Variants in EXTL3 observed in about 807,000 individuals in gnomAD.
The protein encoded by EXTL3 is exostosin like glycosyltransferase 3, also known as exostosin-like 3.
EXTL3 carries 27 observed loss-of-function variants against 69.3 expected under a neutral mutation model. The observed-to-expected ratio is 0.39, with a 90% confidence interval of 0.29 to 0.54. The LOEUF is 0.54. Ranked by LOEUF, EXTL3 falls within the 20% of genes least tolerant of loss-of-function variation. EXTL3 has a pLI of 0.69. For missense variants in EXTL3, 1,003 were observed against 1,231.8 expected, an observed-to-expected ratio of 0.81 and a Z score of 2.78; for synonymous variants, 511 against 499.4, an observed-to-expected ratio of 1.02 and a Z score of -0.31.
chr8:28,612,737 T>TA (rs1806287915), intron 2 of EXTL3, among the ~76,000 whole-genome samples: 1 of 152,086 alleles, frequency 6.6e-6, no homozygotes, highest in African/African-American at 2.4e-5. Flanking sequence ...TTTTTTTTTT[T>TA]AGACAGTGTC....
intron 5 of EXTL3, chr8:28,742,269 C>T (rs1801796126): frequency 6.6e-6 from 1 of 152,076 alleles, no homozygotes; most frequent in Admixed American, 6.6e-5. Context: ...TATGTAATTA[C>T]ATCTTTAATA....
At chr8:28,632,734 A>G (rs1325091808) in intron 1 of EXTL3, among the ~76,000 whole-genome samples, 8 of 151,620 alleles carry the variant, frequency 5.3e-5, no homozygotes, top group African/African-American at 1.5e-4. Context: ...TGTATTTTTT[A>G]GTAGAGACGG....
rs193255384 is a variant in EXTL3 at position 28,662,730 on chromosome 8, A to G, written c.-53+39920A>G. Among the ~76,000 whole-genome samples, 1,028 of 124,814 alleles carry G rather than the reference A, an allele frequency of 8.2e-3. 17 individuals are homozygous for G. Among genetic ancestry groups the G allele is most frequent in the African/African-American group, 0.033 (980 of 29,308 alleles). The allele number at this position is 124,814 out of a possible 152,430, so 81.9% of individuals were successfully genotyped here. A position where few individuals can be genotyped will look rare whatever the true frequency, so the allele number is the denominator to read the frequency against. On this transcript the variant is annotated intron_variant, in intron 1 of 6. Coordinates refer to the EXTL3 transcript ENST00000523149. Reference sequence around the variant, plus strand: ...GGGGTTCGAGACCAGCCTGGGCAACATGGTGAAATCCTGTCTCTAAAAAAT... The same window carrying G: ...GGGGTTCGAGACCAGCCTGGGCAACGTGGTGAAATCCTGTCTCTAAAAAAT...
rs575328703 is a variant in EXTL3 at position 28,667,249 on chromosome 8, G to A, written c.-53+44439G>A. ...CTGGGGATTTGTAGACAATGGACAA[G>A]GTGCAGGGGCCAGTGGATGGAAAAG... On this transcript the variant is annotated intron_variant, in intron 1 of 6. Transcript: ENST00000523149. Among the ~76,000 whole-genome samples the A allele has an allele frequency of 5.3e-5, 8 of 152,326 alleles. No homozygotes were observed. The East Asian group carries it at 1.3e-3, about 26-fold the overall frequency.
chr8:28,717,837 T>G lies in EXTL3; in HGVS notation c.1778T>G (p.Phe593Cys). ...PYASPRYLRN[F>C]TLTVTDFYRS... ...GCCTCACCCAGATACCTCCGCAATT[T>G]CACTCTGACTGTCACTGACTTTTAC... Residue 593 changes from phenylalanine (F) to cysteine (C), a missense_variant, in exon 3 of 7, where the codon TTC becomes TGC. Phe to Cys is a radical substitution (Grantham distance 205). This residue lies in a region of EXTL3 where 742 missense variants were observed against 815.4 expected (regional missense o/e 0.91). Transcript: ENST00000220562. The surrounding 1 kb of genome is among the most constrained non-coding windows in gnomAD (Gnocchi z 8.3). 1 of 1,611,916 alleles carries G rather than the reference T, an allele frequency of 6.2e-7. No homozygotes were observed. Among genetic ancestry groups the G allele is most frequent in the Non-Finnish European group, 8.5e-7 (1 of 1,178,148 alleles).
At chr8:28,697,140 TA>T (rs1438239677), upstream of EXTL3, 1 of 152,268 alleles carries the variant, frequency 6.6e-6, no homozygotes, top group Admixed American at 6.5e-5. Context: ...CCATGTTTTA[TA>T]CATTTTGTGT....
intron 5 of EXTL3, chr8:28,740,107 T>C (rs958106506): frequency 1.3e-5 from 2 of 152,222 alleles, no homozygotes; most frequent in African/African-American, 4.8e-5. Context: ...TCCTATGCAC[T>C]GACAACTTCT....
At chr8:28,740,404 C>G (rs1801750880) in intron 5 of EXTL3, 1 of 152,304 alleles carries the variant, frequency 6.6e-6, no homozygotes, top group African/African-American at 2.4e-5. Flanking sequence ...CTGCCTCAGC[C>G]TCCCGAGTAG....
chr8:28,640,272 C>T (rs1365688134), intron 1 of EXTL3, among the ~76,000 whole-genome samples: 2 of 152,146 alleles, frequency 1.3e-5, no homozygotes, highest in Non-Finnish European at 2.9e-5. Context: ...TTCCAATTCT[C>T]TTCTAGATTT....
At chr8:28,682,085 C>CT (rs1321410707) in intron 1 of EXTL3, among the ~76,000 whole-genome samples, 20 of 152,052 alleles carry the variant, frequency 1.3e-4, no homozygotes, top group Admixed American at 3.9e-4. Flanking sequence ...ATAAGGTTTG[C>CT]TTTTTTTTAC....
chr8:28,632,064 G>T (rs1353953483), intron 1 of EXTL3, among the ~76,000 whole-genome samples: 2 of 150,966 alleles, frequency 1.3e-5, no homozygotes, highest in African/African-American at 4.9e-5. Context: ...CTGCACTCCG[G>T]CCTGGCGACA....
chr8:28,696,242 T>C (rs569567242), intron 1 of EXTL3: 1 of 152,128 alleles, frequency 6.6e-6, no homozygotes, highest in Non-Finnish European at 1.5e-5. Flanking sequence ...GACATACATA[T>C]AGAAAAGAAG....
intron 1 of EXTL3, among the ~76,000 whole-genome samples, chr8:28,666,971 A>G (rs996136751): frequency 1.3e-5 from 2 of 152,146 alleles, no homozygotes; most frequent in Non-Finnish European, 2.9e-5. Context: ...CCCCACAGCA[A>G]TGCAACCTGG....
intron 1 of EXTL3, among the ~76,000 whole-genome samples, chr8:28,671,968 C>T (rs1432803236): frequency 6.6e-6 from 1 of 152,150 alleles, no homozygotes; most frequent in East Asian, 1.9e-4. Flanking sequence ...AATGAGAACC[C>T]TGTCTCTACA....
upstream of EXTL3, chr8:28,701,306 G>C (rs1800780906): frequency 6.6e-6 from 1 of 152,038 alleles, no homozygotes; most frequent in Admixed American, 6.5e-5. Flanking sequence ...AAGGCGGCCG[G>C]CGCGCCCCCC....
rs747551309 is a variant in EXTL3 at position 28,716,278 on chromosome 8, G to A, written c.219G>A (p.Leu73=). ...TTGGTCCCCGGGTGGGGAACGAGCT[G>A]TGCGAGGTGAAGCACGTGCTGGATC... is the stretch of plus-strand genomic sequence containing the variant. ...RIFGPRVGNE[L]CEVKHVLDLC... is the part of the protein sequence containing the mutation. Residue 73 remains leucine (L), a synonymous_variant, in exon 3 of 7, where the codon CTG becomes CTA. Transcript: ENST00000220562. This position sits in a 1 kb window ranked among gnomAD's most constrained non-coding sequence, Gnocchi z 7.1. The A allele has an allele frequency of 2.5e-6, 4 of 1,614,238 alleles. No individual in the cohort carries two copies. The highest frequency in any genetic ancestry group is 3.4e-6 in the Non-Finnish European group (4 of 1,180,038).
chr8:28,671,309 GT>G (rs749395423), intron 1 of EXTL3, among the ~76,000 whole-genome samples: 6,120 of 89,702 alleles, frequency 0.068, 427 homozygotes, highest in African/African-American at 0.23. Flanking sequence ...TTTGTTTTTT[GT>G]TTTTTTTTTT....
rs377517594 is a variant in EXTL3 at position 28,754,490 on chromosome 8, G to A, written c.*3624G>A. The A allele has an allele frequency of 1.8e-4, 27 of 152,488 alleles. No individual in the cohort carries two copies. The highest frequency in any genetic ancestry group is 5.8e-4 in the African/African-American group (24 of 41,556). The allele number at this position is 152,488 out of a possible 1,614,324, so 9.4% of individuals were successfully genotyped here. On this transcript the variant is annotated 3_prime_UTR_variant, in exon 7 of 7. Coordinates refer to ENST00000220562, the MANE Select transcript of EXTL3 (RefSeq NM_001440.4). ...AGCAGCTGATGGGTGAGATGTCATC[G>A]AGGGGCATTCCTCTTTGGGTCTGGA...
upstream of EXTL3, among the ~76,000 whole-genome samples, chr8:28,620,075 G>A (rs1806390991): frequency 8.2e-6 from 1 of 121,858 alleles, no homozygotes; most frequent in Non-Finnish European, 2.0e-5. Flanking sequence ...GGGTTTCACT[G>A]TGTTAACCAG....
Sources: allele counts gnomAD v4.1 joint callset (sites outside exome capture counted in the v4.1 genomes callset), GRCh38; gene constraint gnomAD v4.1.1; regional missense constraint gnomAD v4.1.1; non-coding constraint Gnocchi (gnomAD v3.1); transcripts MANE v1.5; gene names NCBI Gene and HGNC (gene_info 2026-07-23, HGNC 2026-07-21).